The following VAPA variants were observed in gnomAD, a reference collection of about 807,000 sequenced individuals.
VAPA encodes the protein vesicle-associated membrane protein-associated protein A.
Under a neutral mutation model 25.6 loss-of-function variants are expected in VAPA, and 6 were observed. That is an observed-to-expected ratio of 0.23 (90% confidence interval 0.13 to 0.46). VAPA has a LOEUF of 0.46. Ranked by LOEUF, VAPA falls within the 20% of genes least tolerant of loss-of-function variation. The pLI is 0.99. For synonymous variants in VAPA, 112 were observed against 106.2 expected, an observed-to-expected ratio of 1.05 and a Z score of -0.34; for missense variants, 244 against 302.1, an observed-to-expected ratio of 0.81 and a Z score of 1.43.
intron 5 of VAPA, among the ~76,000 whole-genome samples, chr18:9,952,424 G>A (rs969852113): frequency 3.3e-5 from 5 of 151,908 alleles, no homozygotes; most frequent in African/African-American, 9.7e-5. Flanking sequence ...AAAATTATCC[G>A]GGTGTGGTGG....
chr18:9,920,262 ATAT>A (rs1160929001), intron 1 of VAPA, among the ~76,000 whole-genome samples: 3 of 152,164 alleles, frequency 2.0e-5, no homozygotes, highest in Non-Finnish European at 4.4e-5. Context: ...AGGTCCTTTT[ATAT>A]TTACTAGTCA....
chr18:9,945,761 TTTG>T (rs775450159), intron 4 of VAPA, among the ~76,000 whole-genome samples: 2 of 152,228 alleles, frequency 1.3e-5, no homozygotes, highest in Non-Finnish European at 2.9e-5. Context: ...TTAATAATTT[TTTG>T]TTTTTGTGAT....
intron 1 of VAPA, among the ~76,000 whole-genome samples, chr18:9,925,247 T>C (rs977206683): frequency 6.6e-6 from 1 of 151,638 alleles, no homozygotes; most frequent in Non-Finnish European, 1.5e-5. Context: ...GATAAACTGA[T>C]TGTATAATAT....
In VAPA at chr18:9,959,694, A is replaced by T. The variant is rs148970852; in HGVS notation, c.*5483A>T. The T allele has an allele frequency of 1.7e-3, 236 of 141,228 alleles. No homozygotes were observed. The highest frequency in any genetic ancestry group is 3.0e-3 in the Non-Finnish European group (196 of 65,688). 8.7% of individuals were successfully genotyped at this position (141,228 alleles called of 1,614,324 possible). ...AAATAATACAATGTGTGTGTGTGAG[A>T]GAGAGAGTGAGTTACTGACATTGTT... On this transcript the variant is annotated 3_prime_UTR_variant, in exon 6 of 6. Coordinates refer to ENST00000400000, the MANE Select transcript of VAPA (RefSeq NM_194434.3).
At chr18:9,934,957 TG>T in intron 2 of VAPA, among the ~76,000 whole-genome samples, 2 of 152,046 alleles carry the variant, frequency 1.3e-5, no homozygotes, top group South Asian at 4.2e-4. Context: ...TAGCCGGGCA[TG>T]GTGGCAGGCG....
At chr18:9,951,042 G>C (rs917926502) in intron 5 of VAPA, 4 of 152,382 alleles carry the variant, frequency 2.6e-5, no homozygotes, top group African/African-American at 9.7e-5. Context: ...TGAAATAGTA[G>C]TTTGGGTATA....
chr18:9,937,973 A>G (rs2069328097), intron 4 of VAPA, among the ~76,000 whole-genome samples: 2 of 152,198 alleles, frequency 1.3e-5, no homozygotes, highest in African/African-American at 4.8e-5. Flanking sequence ...TATATTTTGA[A>G]TTTTTAAAAT....
chr18:9,929,124 A>G (rs183714155), intron 1 of VAPA, among the ~76,000 whole-genome samples: 7 of 152,296 alleles, frequency 4.6e-5, no homozygotes, highest in Non-Finnish European at 7.4e-5. Flanking sequence ...ACCTTTTAAC[A>G]TTTTGAAGAA....
chr18:9,951,227 C>G (rs2143437652), intron 5 of VAPA: 1 of 152,402 alleles, frequency 6.6e-6, no homozygotes, highest in Non-Finnish European at 1.5e-5. Flanking sequence ...TTTATCACCC[C>G]TCTTTGCTTT....
At chr18:9,920,036 T>G (rs1342957407) in intron 1 of VAPA, among the ~76,000 whole-genome samples, 1 of 152,104 alleles carries the variant, frequency 6.6e-6, no homozygotes, top group Non-Finnish European at 1.5e-5. Flanking sequence ...AGATTTCTGC[T>G]TATATAACTG....
chr18:9,920,886 C>T (rs1208900732), intron 1 of VAPA, among the ~76,000 whole-genome samples: 1 of 152,234 alleles, frequency 6.6e-6, no homozygotes, highest in Non-Finnish European at 1.5e-5. Flanking sequence ...GTCTGTCAGG[C>T]AGCCTCTTAT....
At chr18:9,936,359 C>A in intron 3 of VAPA, 146 bp downstream of exon 3, 2 of 467,770 alleles carry the variant, frequency 4.3e-6, no homozygotes, top group Admixed American at 4.1e-5. Context: ...TATAGATAAT[C>A]CTAACTTAAA....
chr18:9,928,307 T>C (rs1397912083), intron 1 of VAPA, among the ~76,000 whole-genome samples: 1 of 152,162 alleles, frequency 6.6e-6, no homozygotes, highest in Non-Finnish European at 1.5e-5. Context: ...AACATTTTTA[T>C]TGTTTTTCGT....
intron 1 of VAPA, among the ~76,000 whole-genome samples, chr18:9,917,930 T>TAC (rs1302039790): frequency 6.6e-6 from 1 of 152,198 alleles, no homozygotes; most frequent in Non-Finnish European, 1.5e-5. Flanking sequence ...GACATGAATG[T>TAC]AATCTTTAAT....
chr18:9,954,449 CATTGAGTCCTTTATGAA>C lies in VAPA; in HGVS notation c.*242_*258del. On this transcript the variant is annotated 3_prime_UTR_variant, in exon 6 of 6. Coordinates refer to ENST00000400000, the MANE Select transcript of VAPA (RefSeq NM_194434.3). ...TCATCACTAGCAGATGTCAGTTGCA[CATTGAGTCCTTTATGAA>C]ATTCATAAATAAAGAATTGTTCTTT... 2.5e-6 allele frequency: 1 copy of C among 402,994 alleles called. No homozygotes were observed. The highest frequency in any genetic ancestry group is 7.1e-5 in the South Asian group (1 of 14,090). The allele number at this position is 402,994 out of a possible 1,614,324, so 25.0% of individuals were successfully genotyped here.
chr18:9,928,122 G>A (rs1463998277), intron 1 of VAPA, among the ~76,000 whole-genome samples: 3 of 151,978 alleles, frequency 2.0e-5, no homozygotes, highest in Non-Finnish European at 4.4e-5. Context: ...GTTAAACTAA[G>A]CATTCATATT....
intron 1 of VAPA, among the ~76,000 whole-genome samples, chr18:9,929,213 G>A (rs29199): frequency 0.022 from 3,391 of 152,222 alleles, 155 homozygotes; most frequent in African/African-American, 0.077. Context: ...ATTTCTGGAG[G>A]AGTATTTGAA....
intron 1 of VAPA, 59 bp downstream of exon 1, chr18:9,914,394 C>CG (rs915377607): frequency 4.2e-5 from 61 of 1,452,610 alleles, no homozygotes; most frequent in South Asian, 2.1e-4. Context: ...TGGCTGTCGG[C>CG]GGGGGGGCGC....
At position 9,914,237 on chromosome 18, in the gene VAPA, C is replaced by T. The variant is rs772489726; in HGVS notation, c.-20C>T. On this transcript the variant is annotated 5_prime_UTR_variant, in exon 1 of 6. Transcript: ENST00000400000. ...CAAACCGCCGCCGCGGGCGCGCCCCCGCTCTGCGCTGTCTCTCCGATGGCG... is the reference window on the plus strand; with the variant it reads ...CAAACCGCCGCCGCGGGCGCGCCCCTGCTCTGCGCTGTCTCTCCGATGGCG... The T allele has an allele frequency of 6.4e-7, 1 of 1,571,726 alleles. No homozygotes were observed. Among genetic ancestry groups the T allele is most frequent in the Non-Finnish European group, 8.6e-7 (1 of 1,161,392 alleles).
Sources: gnomAD v4.1 joint callset for allele counts (sites outside exome capture counted in the v4.1 genomes callset) on GRCh38, gnomAD v4.1.1 for gene constraint, MANE v1.5 for transcripts, NCBI Gene and HGNC (gene_info 2026-07-23, HGNC 2026-07-21) for gene names.